SCTR: variants seen among roughly 807,000 people sequenced by gnomAD.
SCTR encodes pancreatic secretin receptor.
SCTR carries 56 observed loss-of-function variants against 60.8 expected under a neutral mutation model. The ratio of observed to expected loss-of-function variants is 0.92; its 90% CI spans 0.74 to 1.15. The LOEUF (loss-of-function observed/expected upper bound fraction) is 1.15. SCTR is among the 50% of genes most tolerant of loss of function. The pLI, the probability that SCTR is intolerant of heterozygous loss-of-function variation, is 0.00. For synonymous variants in SCTR, 202 were observed against 217.0 expected (o/e 0.93, Z 0.61); for missense variants, 562 against 550.4 (o/e 1.02, Z -0.21).
chr2:119,474,908 C>A (rs566824017), intron 3 of SCTR, among the ~76,000 whole-genome samples: 1 of 152,224 alleles, frequency 6.6e-6, no homozygotes, highest in Non-Finnish European at 1.5e-5. Flanking sequence ...AGGCCTGGAG[C>A]GCAGGTTTAG....
At chr2:119,467,338 C>A in intron 4 of SCTR, among the ~76,000 whole-genome samples, 1 of 150,686 alleles carries the variant, frequency 6.6e-6, no homozygotes. Flanking sequence ...GAGATTGCAC[C>A]ACTGCACTCC....
intron 1 of SCTR, among the ~76,000 whole-genome samples, chr2:119,499,898 G>A (rs1233497184): frequency 6.6e-6 from 1 of 151,960 alleles, no homozygotes. Flanking sequence ...CACAATATTG[G>A]AAGTCTTAGC....
chr2:119,479,090 C>A (rs1677479562), intron 2 of SCTR, 172 bp from the exon 3 acceptor site: 1 of 1,438,090 alleles, frequency 7.0e-7, no homozygotes, highest in Non-Finnish European at 9.1e-7. Context: ...TCTAATGCAC[C>A]CTTGGACTCT....
Position 119,478,934 on chromosome 2 carries a change from G to C in SCTR, c.194-16C>G. On this transcript the variant is annotated splice_polypyrimidine_tract_variant and intron_variant, in intron 2 of 12. Coordinates refer to ENST00000019103, the MANE Select transcript of SCTR (RefSeq NM_002980.3). Reference sequence around the variant, plus strand: ...CCCTCACAACCTGCCAAGAAAAGCAGCATCAGACAAGGATGGGGGATGGAC... The same window carrying C: ...CCCTCACAACCTGCCAAGAAAAGCACCATCAGACAAGGATGGGGGATGGAC... 6.2e-7 allele frequency: 1 copy of C among 1,614,010 alleles called. No homozygotes were observed.
At chr2:119,456,061 CTTTTT>C (rs34764285) in intron 7 of SCTR, among the ~76,000 whole-genome samples, 1 of 121,088 alleles carries the variant, frequency 8.3e-6, no homozygotes, top group Non-Finnish European at 1.7e-5. Flanking sequence ...GATTTTTCAA[CTTTTT>C]TTTTTTTTTT....
intron 2 of SCTR, among the ~76,000 whole-genome samples, chr2:119,484,550 C>T (rs1677776828): frequency 6.6e-6 from 1 of 152,144 alleles, no homozygotes; most frequent in Non-Finnish European, 1.5e-5. Context: ...GCCTCAGTTT[C>T]CTCATCTATA....
chr2:119,471,902 A>G (rs893290228), intron 4 of SCTR, among the ~76,000 whole-genome samples: 2 of 152,214 alleles, frequency 1.3e-5, no homozygotes, highest in African/African-American at 4.8e-5. Context: ...GAGGAAAACA[A>G]TGAATGTACA....
chr2:119,495,308 T>C (rs768621017), intron 1 of SCTR, among the ~76,000 whole-genome samples: 30 of 152,208 alleles, frequency 2.0e-4, no homozygotes, highest in Non-Finnish European at 2.5e-4. Context: ...AACCATCTTC[T>C]TGTCCCACAG....
At chr2:119,500,343 C>T (rs1283468453) in intron 1 of SCTR, among the ~76,000 whole-genome samples, 2 of 152,098 alleles carry the variant, frequency 1.3e-5, no homozygotes, top group Admixed American at 6.5e-5. Flanking sequence ...AATAGAACTA[C>T]CATATGATCC....
intron 11 of SCTR, among the ~76,000 whole-genome samples, chr2:119,444,114 C>T (rs149516684): frequency 4.8e-5 from 7 of 146,624 alleles, no homozygotes; most frequent in Admixed American, 1.4e-4. Context: ...AACATTTTCT[C>T]ATGTGTGTGT....
intron 7 of SCTR, among the ~76,000 whole-genome samples, chr2:119,455,724 G>T (rs1320919374): frequency 5.9e-5 from 9 of 152,246 alleles, no homozygotes; most frequent in Non-Finnish European, 1.2e-4. Flanking sequence ...AACATTAGAG[G>T]TTATTCCAGG....
intron 1 of SCTR, 89 bp from the exon 2 acceptor site, chr2:119,494,637 A>G (rs904914523): frequency 2.9e-5 from 41 of 1,395,474 alleles, no homozygotes; most frequent in Non-Finnish European, 4.0e-5. Context: ...TGCAGATTCA[A>G]TGGGGATTCA....
intron 2 of SCTR, 194 bp from the exon 3 acceptor site, chr2:119,479,112 G>A (rs1278648519): frequency 2.6e-5 from 36 of 1,391,044 alleles, no homozygotes; most frequent in East Asian, 8.2e-5. Flanking sequence ...CCATGTACAC[G>A]GTAGTGCTCA....
At chr2:119,514,066 G>C (rs925520631) in intron 1 of SCTR, among the ~76,000 whole-genome samples, 2 of 152,196 alleles carry the variant, frequency 1.3e-5, no homozygotes, top group African/African-American at 2.4e-5. Flanking sequence ...CATAGTCGTG[G>C]TTGGTCCCAC....
intron 1 of SCTR, among the ~76,000 whole-genome samples, chr2:119,516,263 G>A (rs1679113266): frequency 6.6e-6 from 1 of 152,170 alleles, no homozygotes; most frequent in Non-Finnish European, 1.5e-5. Context: ...AGGTACCTGT[G>A]CCCCCATGCT....
At chr2:119,496,050 G>A (rs1042226149) in intron 1 of SCTR, among the ~76,000 whole-genome samples, 3 of 152,148 alleles carry the variant, frequency 2.0e-5, no homozygotes, top group Admixed American at 2.0e-4. Context: ...CACAGCTCAC[G>A]CACTCCTGCT....
chr2:119,511,225 T>A (rs925537001), intron 1 of SCTR, among the ~76,000 whole-genome samples: 5 of 151,654 alleles, frequency 3.3e-5, no homozygotes, highest in East Asian at 1.9e-4. Context: ...AAAAAAAAAA[T>A]TATATTCTTT....
rs778602812 is a variant in SCTR, at chr2:119,446,775, G to T, written c.1124C>A (p.Ala375Asp). The stretch of plus-strand genomic sequence containing the variant: ...GAAACTTACCTGGAATGAGCCAAGG[G>T]CTAGTTCAAAAAACAGCTGGATCTC... ...AMEIQLFFELALGSFQGLVVA... is the reference protein window; with the variant it reads ...AMEIQLFFELDLGSFQGLVVA... The change falls in exon 11 of 13, where the codon GCC becomes GAC. Residue 375 changes from alanine to aspartate, a missense_variant. Transcript: ENST00000019103. 2 of 1,555,110 alleles carry T rather than the reference G, an allele frequency of 1.3e-6. No homozygotes were observed. The highest frequency in any genetic ancestry group is 2.4e-5 in the South Asian group (2 of 82,148).
intron 4 of SCTR, among the ~76,000 whole-genome samples, chr2:119,470,514 C>G (rs927375916): frequency 6.6e-6 from 1 of 152,060 alleles, no homozygotes; most frequent in African/African-American, 2.4e-5. Context: ...AGCTAGGTCT[C>G]CTTTCCACCA....
Sources: gnomAD v4.1 joint callset for allele counts (sites outside exome capture counted in the v4.1 genomes callset) on GRCh38, gnomAD v4.1.1 for gene constraint, MANE v1.5 for transcripts, NCBI Gene and HGNC (gene_info 2026-07-23, HGNC 2026-07-21) for gene names.